Variants in CCL17 observed in about 807,000 individuals in gnomAD.
CCL17 encodes C-C motif chemokine 17.
In CCL17, 8 loss-of-function variants were observed where a neutral mutation model predicts 7.4. The ratio of observed to expected loss-of-function variants is 1.09; its 90% CI spans 0.64 to 1.96. The LOEUF is 1.96. Among genes scored for constraint, CCL17 ranks in the 30% most tolerant of loss-of-function variants. The probability of loss-of-function intolerance (pLI) is 0.00; values close to 1 mark genes in which losing one functional copy is unlikely to be tolerated. For missense variants in CCL17, 102 were observed against 113.0 expected, an observed-to-expected ratio of 0.90 and a Z score of 0.44; for synonymous variants, 40 against 46.1, an observed-to-expected ratio of 0.87 and a Z score of 0.54.
intron 1 of CCL17, 32 bp downstream of exon 1, chr16:57,404,868 C>T (rs1251851369): frequency 6.5e-6 from 1 of 154,310 alleles, no homozygotes; most frequent in African/African-American, 2.4e-5. Flanking sequence ...GCTCCTAACC[C>T]CTCCACTGTG....
Position 57,412,244 on chromosome 16 carries a change from G to T in CCL17, c.-59-1630G>T, listed in dbSNP as rs559828226. On this transcript the variant is annotated intron_variant, in intron 1 of 3. Coordinates refer to ENST00000219244, the MANE Select transcript of CCL17 (RefSeq NM_002987.3). ...ATATAGAGGATGCTGCCCACAGAAA[G>T]ATTCTGCCATGGGCAGGGAAGCCCC... Among the ~76,000 whole-genome samples the T allele has an allele frequency of 3.3e-5, 5 of 152,338 alleles. No homozygotes were observed. The South Asian group carries it at 1.0e-3, about 32-fold the overall frequency.
intron 1 of CCL17, among the ~76,000 whole-genome samples, chr16:57,412,637 T>C (rs1902802914): frequency 6.6e-6 from 1 of 152,202 alleles, no homozygotes; most frequent in African/African-American, 2.4e-5. Context: ...CATTTTGAGT[T>C]GGCCCTGGTC....
chr16:57,403,597 T>TA (rs1902647638), upstream of CCL17, among the ~76,000 whole-genome samples: 3 of 71,280 alleles, frequency 4.2e-5, no homozygotes, highest in African/African-American at 5.5e-5. Context: ...TATATATTTA[T>TA]AATATATATA....
intron 1 of CCL17, among the ~76,000 whole-genome samples, chr16:57,410,684 T>C (rs1283262786): frequency 6.6e-6 from 1 of 152,160 alleles, no homozygotes; most frequent in Non-Finnish European, 1.5e-5. Flanking sequence ...ATCCATCCCA[T>C]AGCCTGGGAG....
At position 57,411,823 on chromosome 16, in the gene CCL17, G is replaced by A. The variant is rs550588542; in HGVS notation, c.-59-2051G>A. Among the ~76,000 whole-genome samples the A allele has an allele frequency of 9.6e-3, 1,466 of 152,360 alleles. 19 individuals carry two copies. The highest frequency in any genetic ancestry group is 0.011 in the Non-Finnish European group (731 of 68,028). ...GCCTGCACACCTTCCCCTGCCCAGC[G>A]CGGCCTCCTTTGCAGGGGGACTCTG... On this transcript the variant is annotated intron_variant, in intron 1 of 3. Coordinates refer to ENST00000219244, the MANE Select transcript of CCL17 (RefSeq NM_002987.3).
the CCL17 span, among the ~76,000 whole-genome samples, chr16:57,398,173 A>G: frequency 6.6e-6 from 1 of 152,186 alleles, no homozygotes; most frequent in Non-Finnish European, 1.5e-5. Context: ...CATTTACATC[A>G]TGAGTAGTCC....
intron 2 of CCL17, among the ~76,000 whole-genome samples, chr16:57,414,685 C>T (rs1315803957): frequency 7.9e-5 from 12 of 151,922 alleles, no homozygotes; most frequent in African/African-American, 2.7e-4. Context: ...GCATGAGCCA[C>T]GGCGCCCAGA....
chr16:57,402,784 T>C (rs1902611099), upstream of CCL17, among the ~76,000 whole-genome samples: 2 of 152,128 alleles, frequency 1.3e-5, no homozygotes, highest in Non-Finnish European at 2.9e-5. Context: ...TTCTGCATTC[T>C]GCTTCAGGAA....
intron 1 of CCL17, among the ~76,000 whole-genome samples, chr16:57,406,296 T>A (rs1376191414): frequency 6.6e-6 from 1 of 152,128 alleles, no homozygotes; most frequent in Non-Finnish European, 1.5e-5. Context: ...TGGCTAATTT[T>A]CATTTTATTT....
chr16:57,400,480 C>CTT (rs1414176929), upstream of CCL17, among the ~76,000 whole-genome samples: 13 of 145,356 alleles, frequency 8.9e-5, no homozygotes, highest in African/African-American at 2.7e-4. Flanking sequence ...TTCTTTGACA[C>CTT]TTTTTTTTTT....
At chr16:57,409,686 G>A (rs1162310320) in intron 1 of CCL17, among the ~76,000 whole-genome samples, 2 of 152,194 alleles carry the variant, frequency 1.3e-5, no homozygotes, top group Non-Finnish European at 2.9e-5. Context: ...TGTGGGCAGT[G>A]AGGAAGAGCC....
At chr16:57,396,356 G>A in the CCL17 span, among the ~76,000 whole-genome samples, 2 of 152,200 alleles carry the variant, frequency 1.3e-5, no homozygotes, top group Admixed American at 6.5e-5. Context: ...AACTGGTTGT[G>A]TATGTTAAAA....
At chr16:57,406,715 T>C (rs1455116776) in intron 1 of CCL17, among the ~76,000 whole-genome samples, 3 of 152,168 alleles carry the variant, frequency 2.0e-5, no homozygotes, top group Non-Finnish European at 2.9e-5. Flanking sequence ...CTAGGAACTT[T>C]ATAGACTTCA....
chr16:57,414,597 A>G (rs1225988814), intron 2 of CCL17, among the ~76,000 whole-genome samples: 1 of 151,848 alleles, frequency 6.6e-6, no homozygotes, highest in Non-Finnish European at 1.5e-5. Flanking sequence ...GGTTTTCACC[A>G]TGTTGGTCAG....
the CCL17 span, among the ~76,000 whole-genome samples, chr16:57,397,882 C>G: frequency 6.6e-6 from 1 of 152,150 alleles, no homozygotes; most frequent in Non-Finnish European, 1.5e-5. Flanking sequence ...CATAACCTGC[C>G]CTTTGTATCC....
At chr16:57,413,849 C>A in intron 1 of CCL17, 25 bp from the exon 2 acceptor site, 1 of 1,234,010 alleles carries the variant, frequency 8.1e-7, no homozygotes, top group South Asian at 1.5e-5. Flanking sequence ...TTAAATAGGT[C>A]ACTGCCACCC....
intron 1 of CCL17, among the ~76,000 whole-genome samples, chr16:57,410,651 G>T (rs223898): frequency 0.77 from 116,533 of 152,150 alleles, 45,636 homozygotes; most frequent in African/African-American, 0.91. Flanking sequence ...CTTCAGAATA[G>T]TTTGTCTGGA....
chr16:57,396,201 G>GTGCAC, the CCL17 span, among the ~76,000 whole-genome samples: 4 of 152,324 alleles, frequency 2.6e-5, no homozygotes, highest in Non-Finnish European at 5.9e-5. Context: ...GAGCTTTGAG[G>GTGCAC]TGCACTGATA....
upstream of CCL17, among the ~76,000 whole-genome samples, chr16:57,402,620 G>A (rs573186768): frequency 2.6e-5 from 4 of 152,278 alleles, no homozygotes; most frequent in East Asian, 1.9e-4. Flanking sequence ...TGGAAACAGG[G>A]ACAGATGTTC....
Sources: allele counts gnomAD v4.1 joint callset (sites outside exome capture counted in the v4.1 genomes callset), GRCh38; gene constraint gnomAD v4.1.1; transcripts MANE v1.5; gene names NCBI Gene and HGNC (gene_info 2026-07-23, HGNC 2026-07-21).